The following MACROD2 variants were observed in gnomAD, a reference collection of about 807,000 sequenced individuals.
The protein encoded by MACROD2 is mono-ADP ribosylhydrolase 2.
Under a neutral mutation model 70.4 loss-of-function variants are expected in MACROD2, and 36 were observed. The ratio of observed to expected loss-of-function variants is 0.51; its 90% CI spans 0.39 to 0.68. The LOEUF (loss-of-function observed/expected upper bound fraction) is 0.68. Among genes scored for constraint, MACROD2 ranks in the 30% least tolerant of loss-of-function variants. The probability of loss-of-function intolerance (pLI) is 0.00; values close to 1 mark genes in which losing one functional copy is unlikely to be tolerated. For missense variants in MACROD2, 496 were observed against 538.4 expected (o/e 0.92, Z 0.78); for synonymous variants, 172 against 178.8 (o/e 0.96, Z 0.30).
At chr20:15,548,083 C>T (rs1321133283) in intron 8 of MACROD2, among the ~76,000 whole-genome samples, 2 of 152,156 alleles carry the variant, frequency 1.3e-5, no homozygotes, top group African/African-American at 4.8e-5. Flanking sequence ...CTATCCCCCT[C>T]CCTTCCTCCA....
chr20:15,897,481 C>T (rs969299763), intron 10 of MACROD2, among the ~76,000 whole-genome samples: 7 of 152,104 alleles, frequency 4.6e-5, no homozygotes, highest in Admixed American at 2.0e-4. Flanking sequence ...TATCACTGCA[C>T]CAAATATAAC....
At chr20:15,939,093 T>C (rs2065710932) in intron 12 of MACROD2, among the ~76,000 whole-genome samples, 1 of 152,212 alleles carries the variant, frequency 6.6e-6, no homozygotes. Context: ...ACAAGCTGTT[T>C]CCATTACATT....
At chr20:15,361,589 A>G (rs1315820063) in intron 6 of MACROD2, among the ~76,000 whole-genome samples, 1 of 152,196 alleles carries the variant, frequency 6.6e-6, no homozygotes, top group Admixed American at 6.5e-5. Context: ...CTGTAGCTAC[A>G]AATAATCTTG....
At chr20:15,454,665 G>GT (rs1279132462) in intron 7 of MACROD2, among the ~76,000 whole-genome samples, 1 of 127,320 alleles carries the variant, frequency 7.9e-6, no homozygotes, top group Non-Finnish European at 1.7e-5. Context: ...CAGTCACGCT[G>GT]GCTCTCTTCA....
chr20:15,100,497 A>G (rs2075864128), intron 5 of MACROD2, among the ~76,000 whole-genome samples: 1 of 152,198 alleles, frequency 6.6e-6, no homozygotes, highest in Non-Finnish European at 1.5e-5. Flanking sequence ...AAGTCCCTGT[A>G]CAGTTGAGCA....
chr20:14,957,136 A>G (rs1469589244), intron 5 of MACROD2, among the ~76,000 whole-genome samples: 1 of 147,520 alleles, frequency 6.8e-6, no homozygotes, highest in Non-Finnish European at 1.5e-5. Flanking sequence ...GTGAGCACAC[A>G]ATTTTTTTTT....
chr20:15,343,835 CG>C (rs1239359961), intron 6 of MACROD2, among the ~76,000 whole-genome samples: 1 of 152,254 alleles, frequency 6.6e-6, no homozygotes, highest in East Asian at 1.9e-4. Flanking sequence ...CTGTAACATC[CG>C]TCATGTTACT....
At chr20:14,136,558 C>A (rs2054801038) in intron 3 of MACROD2, among the ~76,000 whole-genome samples, 1 of 152,104 alleles carries the variant, frequency 6.6e-6, no homozygotes, top group Non-Finnish European at 1.5e-5. Flanking sequence ...CCTGGACCAG[C>A]AGCATTAGCA....
chr20:15,894,939 A>G (rs371459115), intron 10 of MACROD2, among the ~76,000 whole-genome samples: 1 of 152,124 alleles, frequency 6.6e-6, no homozygotes, highest in African/African-American at 2.4e-5. Context: ...CATTTTCTAG[A>G]CCATCTCTTA....
rs375581143 is a variant in MACROD2 at position 14,474,548 on chromosome 20, T to G, written c.272-18931T>G. ...TTGATTTTCTGCTTGGATGGATCTG[T>G]CCATCACTGAAAGTGGGGTATTAAA... On this transcript the variant is annotated intron_variant, in intron 3 of 17. Transcript: ENST00000684519. Among the ~76,000 whole-genome samples, 11 of 152,244 alleles carry G rather than the reference T, an allele frequency of 7.2e-5. No individual in the cohort carries two copies. In the East Asian group the frequency reaches 1.5e-3, roughly 21 times the overall value.
intron 5 of MACROD2, among the ~76,000 whole-genome samples, chr20:15,154,428 G>A (rs1375621695): frequency 6.6e-6 from 1 of 152,208 alleles, no homozygotes; most frequent in Non-Finnish European, 1.5e-5. Flanking sequence ...TTGGGCAGAT[G>A]AGTCACATGA....
chr20:14,013,135 A>G (rs2052936725), intron 2 of MACROD2, among the ~76,000 whole-genome samples: 3 of 152,024 alleles, frequency 2.0e-5, no homozygotes, highest in Admixed American at 2.0e-4. Context: ...TTTCTAGACT[A>G]TGTGGTTTGT....
At chr20:15,879,489 G>T (rs905349833) in intron 9 of MACROD2, among the ~76,000 whole-genome samples, 8 of 152,078 alleles carry the variant, frequency 5.3e-5, no homozygotes, top group Admixed American at 3.3e-4. Context: ...AGAGCAAAAG[G>T]ACTCTGTGCT....
chr20:14,166,244 T>C (rs2055267683), intron 3 of MACROD2, among the ~76,000 whole-genome samples: 1 of 152,142 alleles, frequency 6.6e-6, no homozygotes, highest in South Asian at 2.1e-4. Context: ...TTATAGGAAA[T>C]ATTTTCCTGA....
rs541980894 is a variant in MACROD2, at chr20:15,310,751, C to A, written c.540+80690C>A. ...TCCTCAGATAAGGGAAAGGTGAAAT[C>A]CAGTCAAGCAGAGAAGGGGCTTGGT... On this transcript the variant is annotated intron_variant, in intron 6 of 17. Coordinates refer to ENST00000684519, the MANE Select transcript of MACROD2 (RefSeq NM_001351661.2). Among the ~76,000 whole-genome samples, 12 of 152,096 alleles carry A rather than the reference C, an allele frequency of 7.9e-5. No individual in the cohort carries two copies. In the East Asian group the frequency reaches 2.3e-3, roughly 29 times the overall value.
At position 15,185,286 on chromosome 20, in the gene MACROD2, C is replaced by T. The variant is rs2076527323; in HGVS notation, c.419-44654C>T. Among the ~76,000 whole-genome samples, 4 of 152,258 alleles carry T rather than the reference C, an allele frequency of 2.6e-5. No homozygotes were observed. In the South Asian group the frequency reaches 8.3e-4, roughly 32 times the overall value. Reference sequence around the variant, plus strand: ...GTCTGTCAGCTTTTAATAGTTTAAACTTTTGGTACATGAGATAATATAATA... The same window carrying T: ...GTCTGTCAGCTTTTAATAGTTTAAATTTTTGGTACATGAGATAATATAATA... On this transcript the variant is annotated intron_variant, in intron 5 of 17. Transcript: ENST00000684519.
chr20:14,210,962 G>T (rs917481922), intron 3 of MACROD2, among the ~76,000 whole-genome samples: 4 of 152,150 alleles, frequency 2.6e-5, no homozygotes, highest in African/African-American at 4.8e-5. Context: ...GGATTACATG[G>T]TTAGCTAAGA....
chr20:15,435,526 A>G (rs1203765981), intron 7 of MACROD2, among the ~76,000 whole-genome samples: 1 of 152,164 alleles, frequency 6.6e-6, no homozygotes, highest in Admixed American at 6.6e-5. Flanking sequence ...TTTGAAGATC[A>G]CCATGTTCCC....
chr20:14,520,380 A>T (rs1480784993), intron 4 of MACROD2, among the ~76,000 whole-genome samples: 2 of 152,096 alleles, frequency 1.3e-5, no homozygotes, highest in Non-Finnish European at 2.9e-5. Context: ...TTATGCCTGA[A>T]TTCTTTACTC....
Sources: allele counts gnomAD v4.1 joint callset (sites outside exome capture counted in the v4.1 genomes callset), GRCh38; gene constraint gnomAD v4.1.1; transcripts MANE v1.5; gene names NCBI Gene and HGNC (gene_info 2026-07-23, HGNC 2026-07-21).